The following DHRS3 variants were observed in gnomAD, a reference collection of about 807,000 sequenced individuals.
DHRS3 encodes dehydrogenase/reductase 3.
In DHRS3, 14 loss-of-function variants were observed where a neutral mutation model predicts 27.2. The observed-to-expected ratio is 0.52, with a 90% CI of 0.34 to 0.81. DHRS3 has a LOEUF of 0.81. Among genes scored for constraint, DHRS3 ranks in the 30% least tolerant of loss-of-function variants. DHRS3 has a pLI of 0.01. For synonymous variants in DHRS3, 165 were observed against 175.9 expected (o/e 0.94, Z 0.49); for missense variants, 322 against 406.2 (o/e 0.79, Z 1.78).
chr1:12,606,580 C>A (rs902165946), intron 1 of DHRS3, among the ~76,000 whole-genome samples: 5 of 152,064 alleles, frequency 3.3e-5, no homozygotes, highest in African/African-American at 1.2e-4. Flanking sequence ...ACCTCCGCCT[C>A]CCGGGTTCAA....
intron 1 of DHRS3, among the ~76,000 whole-genome samples, chr1:12,582,241 C>T (rs1355399311): frequency 2.0e-5 from 3 of 152,202 alleles, no homozygotes; most frequent in African/African-American, 7.2e-5. Context: ...GTCACTTAAG[C>T]AGAGAGGGCA....
At chr1:12,596,668 T>G (rs917269704) in intron 1 of DHRS3, among the ~76,000 whole-genome samples, 4 of 152,034 alleles carry the variant, frequency 2.6e-5, no homozygotes. Context: ...TGCTCTGGAG[T>G]TGATTTGCTG....
At chr1:12,616,015 A>C (rs1378731551) in intron 1 of DHRS3, among the ~76,000 whole-genome samples, 2 of 152,192 alleles carry the variant, frequency 1.3e-5, no homozygotes, top group Non-Finnish European at 2.9e-5. Context: ...TCAGGCTCCA[A>C]AGTTCAGTCC....
At chr1:12,577,406 G>GAGT (rs1372257395) in intron 4 of DHRS3, among the ~76,000 whole-genome samples, 4 of 152,234 alleles carry the variant, frequency 2.6e-5, no homozygotes, top group Non-Finnish European at 4.4e-5. Context: ...CAATGTCACA[G>GAGT]AGTACATCAC....
chr1:12,602,443 A>C (rs1312234553), intron 1 of DHRS3, among the ~76,000 whole-genome samples: 1 of 152,084 alleles, frequency 6.6e-6, no homozygotes, highest in Non-Finnish European at 1.5e-5. Context: ...ATTCCCCCTG[A>C]GGGCTTCTGT....
Position 12,572,720 on chromosome 1 carries a change from C to T in DHRS3, c.824+8G>A. On this transcript the variant is annotated splice_region_variant and intron_variant, in intron 5 of 5. Transcript: ENST00000616661. Reference sequence around the variant, plus strand: ...CCTGACCCAGAGTGTTCTTTCCCAGCCCCATACCTTTTCAAGATAACGAGG... The same window carrying T: ...CCTGACCCAGAGTGTTCTTTCCCAGTCCCATACCTTTTCAAGATAACGAGG... The T allele has an allele frequency of 6.3e-7, 1 of 1,586,244 alleles. No homozygotes were observed. Among genetic ancestry groups the T allele is most frequent in the African/African-American group, 1.3e-5 (1 of 74,728 alleles).
intron 1 of DHRS3, among the ~76,000 whole-genome samples, chr1:12,582,784 G>T (rs920336542): frequency 1.3e-5 from 2 of 151,502 alleles, no homozygotes; most frequent in African/African-American, 4.9e-5. Context: ...CCGTTCACCA[G>T]TCCATCCATC....
intron 1 of DHRS3, among the ~76,000 whole-genome samples, chr1:12,597,553 A>T (rs977402188): frequency 1.3e-5 from 2 of 152,056 alleles, no homozygotes; most frequent in African/African-American, 4.8e-5. Context: ...GATGGTGGTT[A>T]TTTGTTTGCT....
chr1:12,597,569 T>G (rs1646807283), intron 1 of DHRS3, among the ~76,000 whole-genome samples: 1 of 152,228 alleles, frequency 6.6e-6, no homozygotes, highest in Non-Finnish European at 1.5e-5. Flanking sequence ...TTGCTTGGTT[T>G]TTGTCTATTT....
intron 5 of DHRS3, among the ~76,000 whole-genome samples, chr1:12,568,645 G>C (rs1371889315): frequency 6.6e-6 from 1 of 152,186 alleles, no homozygotes; most frequent in African/African-American, 2.4e-5. Flanking sequence ...GCAGGGGGAG[G>C]CTGGGCGCGG....
chr1:12,617,090 G>A, intron 1 of DHRS3, 64 bp downstream of exon 1: 1 of 1,507,998 alleles, frequency 6.6e-7, no homozygotes, highest in Non-Finnish European at 8.9e-7. Context: ...TCCCGCAGCG[G>A]CAGCAGGTGG....
chr1:12,608,129 G>A lies in DHRS3; in HGVS notation c.195+9025C>T, dbSNP rs1460516402. ...TGACGTCAAGTGATCTGCCCGCCTC[G>A]GCCTCCCACAGTGCTGGGAATACAG... On this transcript the variant is annotated intron_variant, in intron 1 of 5. Coordinates refer to ENST00000616661, the MANE Select transcript of DHRS3 (RefSeq NM_004753.7). This position sits in a 1 kb window ranked among gnomAD's most constrained non-coding sequence, Gnocchi z 4.1. 3.9e-5 allele frequency among the ~76,000 whole-genome samples: 6 copies of A among 152,178 alleles called. No homozygotes were observed. The East Asian group carries it at 9.6e-4, about 24-fold the overall frequency.
intron 1 of DHRS3, chr1:12,600,329 C>T (rs780406038): frequency 3.3e-4 from 327 of 984,746 alleles, no homozygotes; most frequent in Middle Eastern, 5.2e-4. Flanking sequence ...TGTGAGCCCT[C>T]GGAGGGCACC....
At chr1:12,617,097 G>T in intron 1 of DHRS3, 57 bp downstream of exon 1, 1 of 1,536,446 alleles carries the variant, frequency 6.5e-7, no homozygotes, top group South Asian at 1.2e-5. Context: ...GCGGCAGCAG[G>T]TGGGCTTACC....
intron 1 of DHRS3, among the ~76,000 whole-genome samples, chr1:12,606,935 T>G (rs529091311): frequency 6.6e-6 from 1 of 152,180 alleles, no homozygotes; most frequent in Non-Finnish European, 1.5e-5. Context: ...GAGGTGGACA[T>G]GGCCCAGTCA....
rs918965489 is a variant in DHRS3, at chr1:12,568,039, C to T, written c.*301G>A. On this transcript the variant is annotated 3_prime_UTR_variant, in exon 6 of 6. Coordinates refer to ENST00000616661, the MANE Select transcript of DHRS3 (RefSeq NM_004753.7). ...GACCCTCCTGGAAATGGTCTATGCACACTGCTGAGGCTGGTTAGACTTGAG... is the reference window on the plus strand; with the variant it reads ...GACCCTCCTGGAAATGGTCTATGCATACTGCTGAGGCTGGTTAGACTTGAG... The T allele has an allele frequency of 2.0e-5, 6 of 296,700 alleles. No individual in the cohort carries two copies. Among genetic ancestry groups the T allele is most frequent in the South Asian group, 1.7e-4 (4 of 23,098 alleles). 18.4% of individuals were successfully genotyped at this position (296,700 alleles called of 1,614,324 possible). A position where few individuals can be genotyped will look rare whatever the true frequency, so the allele number is the denominator to read the frequency against.
intron 1 of DHRS3, among the ~76,000 whole-genome samples, chr1:12,582,669 C>G (rs567448789): frequency 3.3e-5 from 5 of 152,050 alleles, no homozygotes; most frequent in African/African-American, 1.2e-4. Context: ...CTGGACCACC[C>G]CCCGCCTTGC....
intron 5 of DHRS3, among the ~76,000 whole-genome samples, chr1:12,569,231 T>TCA (rs57427000): frequency 2.6e-4 from 29 of 110,476 alleles, no homozygotes; most frequent in African/African-American, 7.6e-4. Context: ...TCTCTCTCTC[T>TCA]CACACACACA....
In DHRS3 at chr1:12,594,234, G is replaced by C. The variant is rs956865622; in HGVS notation, c.196-13568C>G. 1.3e-5 allele frequency among the ~76,000 whole-genome samples: 2 copies of C among 152,172 alleles called. No homozygotes were observed. The highest frequency in any genetic ancestry group is 2.9e-5 in the Non-Finnish European group (2 of 68,042). The stretch of plus-strand genomic sequence containing the variant: ...GCACTACTAGAAGTTTCAAAGCAAG[G>C]CTCGGACTCCAAAGGGAAGCTCTTT... On this transcript the variant is annotated intron_variant, in intron 1 of 5. Transcript: ENST00000616661. The surrounding 1 kb of genome is among the most constrained non-coding windows in gnomAD (Gnocchi z 4.1).
Sources: allele counts gnomAD v4.1 joint callset (sites outside exome capture counted in the v4.1 genomes callset), GRCh38; gene constraint gnomAD v4.1.1; non-coding constraint Gnocchi (gnomAD v3.1); transcripts MANE v1.5; gene names NCBI Gene and HGNC (gene_info 2026-07-23, HGNC 2026-07-21).